Variants in CRYL1 observed in about 807,000 individuals in gnomAD.
The protein encoded by CRYL1 is crystallin lambda 1, also known as lambda-crystallin homolog.
Under a neutral mutation model 36.6 loss-of-function variants are expected in CRYL1, and 29 were observed. The ratio of observed to expected loss-of-function variants is 0.79; its 90% CI spans 0.59 to 1.08. The LOEUF (loss-of-function observed/expected upper bound fraction) is 1.08, where lower values mean the gene tolerates loss of function less well. CRYL1 is among the 50% of genes least tolerant of loss of function. The probability of loss-of-function intolerance (pLI) is 0.00; values close to 1 mark genes in which losing one functional copy is unlikely to be tolerated. For missense variants in CRYL1, 411 were observed against 407.9 expected (o/e 1.01, Z -0.06); for synonymous variants, 152 against 151.5 (o/e 1.00, Z -0.02).
chr13:20,422,294 A>G (rs1253806064), intron 5 of CRYL1, among the ~76,000 whole-genome samples: 1 of 150,798 alleles, frequency 6.6e-6, no homozygotes, highest in Non-Finnish European at 1.5e-5. Context: ...TGGGAGATGG[A>G]GATTGCCATG....
intron 1 of CRYL1, among the ~76,000 whole-genome samples, chr13:20,517,595 C>CA (rs1225886783): frequency 5.4e-5 from 8 of 147,836 alleles, no homozygotes; most frequent in South Asian, 2.1e-4. Context: ...AACTCCATCT[C>CA]AAAAAAATAA....
intron 3 of CRYL1, among the ~76,000 whole-genome samples, chr13:20,484,791 T>C (rs2033362240): frequency 6.6e-6 from 1 of 152,268 alleles, no homozygotes; most frequent in African/African-American, 2.4e-5. Flanking sequence ...TACACAAAAA[T>C]CTTCAGTATT....
At chr13:20,419,883 C>T (rs929368876) in intron 5 of CRYL1, among the ~76,000 whole-genome samples, 1 of 152,240 alleles carries the variant, frequency 6.6e-6, no homozygotes, top group African/African-American at 2.4e-5. Flanking sequence ...GAAACTGGCT[C>T]CACGGCAAGG....
intron 3 of CRYL1, among the ~76,000 whole-genome samples, chr13:20,485,555 G>T (rs1379994489): frequency 6.6e-6 from 1 of 152,026 alleles, no homozygotes; most frequent in African/African-American, 2.4e-5. Flanking sequence ...TGTAATCCCA[G>T]CTACTCAGGA....
chr13:20,467,020 T>A (rs1447147326), intron 3 of CRYL1, among the ~76,000 whole-genome samples: 2 of 151,728 alleles, frequency 1.3e-5, no homozygotes, highest in Non-Finnish European at 2.9e-5. Context: ...TGATCTTGGC[T>A]CACTGGAAGC....
At chr13:20,439,006 G>A (rs2032292759) in intron 4 of CRYL1, among the ~76,000 whole-genome samples, 1 of 152,100 alleles carries the variant, frequency 6.6e-6, no homozygotes, top group Non-Finnish European at 1.5e-5. Context: ...AAACAAGCTT[G>A]CATAGTTAAT....
chr13:20,478,775 C>T (rs907795005), intron 3 of CRYL1, among the ~76,000 whole-genome samples: 1 of 152,106 alleles, frequency 6.6e-6, no homozygotes, highest in Non-Finnish European at 1.5e-5. Flanking sequence ...CCACATCCAG[C>T]CCTCTTCTCG....
intron 3 of CRYL1, among the ~76,000 whole-genome samples, chr13:20,484,579 C>T (rs60852102): frequency 0.016 from 2,367 of 152,018 alleles, 59 homozygotes; most frequent in African/African-American, 0.054. Context: ...GGCTGAGGCA[C>T]GATAATCGCT....
At chr13:20,497,431 CATACACACAACTACACACACCACAT>C (rs1374322093) in intron 2 of CRYL1, among the ~76,000 whole-genome samples, 1 of 24,122 alleles carries the variant, frequency 4.1e-5, no homozygotes, top group African/African-American at 1.1e-4. Flanking sequence ...CACACACCAC[CATACACACAACTACACACACCACAT>C]ATACACACTA....
At chr13:20,426,265 ACTGT>A (rs1445369038) in intron 5 of CRYL1, among the ~76,000 whole-genome samples, 2 of 138,894 alleles carry the variant, frequency 1.4e-5, no homozygotes, top group Middle Eastern at 3.4e-3. Flanking sequence ...TTAAAAGTGA[ACTGT>A]CTATCTTTAT....
rs2031296715 is a variant in CRYL1, at chr13:20,404,047, G to A, written c.*82C>T. Reference sequence around the variant, plus strand: ...AGGATCTCCGTGGGCTGCTACCTATGTCACAGAGGGCTGATTAAGGGCTTG... The same window carrying A: ...AGGATCTCCGTGGGCTGCTACCTATATCACAGAGGGCTGATTAAGGGCTTG... On this transcript the variant is annotated 3_prime_UTR_variant, in exon 8 of 8. Transcript: ENST00000298248. 1.0e-6 allele frequency: 1 copy of A among 961,784 alleles called. No homozygotes were observed. Among genetic ancestry groups the A allele is most frequent in the Admixed American group, 1.9e-5 (1 of 53,930 alleles). The allele number at this position is 961,784 out of a possible 1,614,324, so 59.6% of individuals were successfully genotyped here.
At chr13:20,407,684 G>C (rs2031412412) in intron 6 of CRYL1, among the ~76,000 whole-genome samples, 1 of 152,142 alleles carries the variant, frequency 6.6e-6, no homozygotes, top group African/African-American at 2.4e-5. Flanking sequence ...AACCCTTGTA[G>C]AGCTTGGCTT....
intron 3 of CRYL1, chr13:20,439,973 A>T: frequency 2.2e-6 from 1 of 462,730 alleles, no homozygotes. Context: ...CAAGCCATAA[A>T]AGAATTTTCT....
At chr13:20,455,756 T>C (rs2032669652) in intron 3 of CRYL1, among the ~76,000 whole-genome samples, 1 of 152,208 alleles carries the variant, frequency 6.6e-6, no homozygotes, top group Non-Finnish European at 1.5e-5. Flanking sequence ...GATTCTAAGA[T>C]ATGGAAGGCA....
intron 2 of CRYL1, among the ~76,000 whole-genome samples, chr13:20,508,875 A>AAAAC (rs1491583448): frequency 0.034 from 466 of 13,892 alleles, 17 homozygotes; most frequent in African/African-American, 0.063. Flanking sequence ...AAAAAAAAAA[A>AAAAC]CAAAAAAAAA....
At chr13:20,431,566 A>G (rs1430793683) in intron 5 of CRYL1, 1 of 1,012,512 alleles carries the variant, frequency 9.9e-7, no homozygotes, top group Non-Finnish European at 1.2e-6. Flanking sequence ...CTTCACCTCC[A>G]TGTAAAATCC....
chr13:20,484,331 G>A (rs890344336), intron 3 of CRYL1, among the ~76,000 whole-genome samples: 16 of 152,134 alleles, frequency 1.1e-4, no homozygotes, highest in African/African-American at 3.9e-4. Flanking sequence ...GTTGCAGCCC[G>A]GCAGAGGCTG....
intron 3 of CRYL1, among the ~76,000 whole-genome samples, chr13:20,445,686 T>C (rs1318321805): frequency 6.6e-6 from 1 of 152,216 alleles, no homozygotes; most frequent in Non-Finnish European, 1.5e-5. Context: ...CACATAATGG[T>C]GGTATCAGAC....
At position 20,415,397 on chromosome 13, in the gene CRYL1, G is replaced by C. The variant is rs1462229533; in HGVS notation, c.634-2010C>G. Reference sequence around the variant, plus strand: ...GCCGTGCCCCGCAACCGGCTGCGGCGGGCGACAGCCAGGTGCCTCAGGTCC... The same window carrying C: ...GCCGTGCCCCGCAACCGGCTGCGGCCGGCGACAGCCAGGTGCCTCAGGTCC... On this transcript the variant is annotated intron_variant, in intron 5 of 7. Transcript: ENST00000298248. The surrounding 1 kb of genome is among the most constrained non-coding windows in gnomAD (Gnocchi z 4.1). 1.3e-5 allele frequency among the ~76,000 whole-genome samples: 2 copies of C among 152,090 alleles called. No homozygotes were observed. The highest frequency in any genetic ancestry group is 6.5e-5 in the Admixed American group (1 of 15,276).
Sources: gnomAD v4.1 joint callset for allele counts (sites outside exome capture counted in the v4.1 genomes callset) on GRCh38, gnomAD v4.1.1 for gene constraint, Gnocchi (gnomAD v3.1) non-coding constraint, MANE v1.5 for transcripts, NCBI Gene and HGNC (gene_info 2026-07-23, HGNC 2026-07-21) for gene names.